FILIP1: variants seen among roughly 807,000 people sequenced by gnomAD.
FILIP1 encodes the protein filamin A interacting protein 1.
FILIP1 carries 61 observed loss-of-function variants against 102.1 expected under a neutral mutation model. The ratio of observed to expected loss-of-function variants is 0.60; its 90% CI spans 0.49 to 0.74. FILIP1 has a LOEUF of 0.74. FILIP1 is among the 30% of genes least tolerant of loss of function. FILIP1 has a pLI of 0.00. For synonymous variants in FILIP1, 491 were observed against 526.9 expected (o/e 0.93, Z 0.93); for missense variants, 1,314 against 1,441.2 (o/e 0.91, Z 1.43).
chr6:75,463,475 C>A (rs906736707), intron 1 of FILIP1, among the ~76,000 whole-genome samples: 3 of 152,070 alleles, frequency 2.0e-5, no homozygotes, highest in African/African-American at 7.2e-5. Flanking sequence ...ACATAAATAT[C>A]CAGTTTTGGA....
chr6:75,408,147 A>C (rs1349067186), intron 2 of FILIP1, among the ~76,000 whole-genome samples: 2 of 152,222 alleles, frequency 1.3e-5, no homozygotes, highest in Non-Finnish European at 2.9e-5. Context: ...AGAATGTTCC[A>C]ATTTATTAGA....
chr6:75,420,480 T>C (rs1777422045), intron 1 of FILIP1, among the ~76,000 whole-genome samples: 1 of 152,128 alleles, frequency 6.6e-6, no homozygotes, highest in African/African-American at 2.4e-5. Context: ...TCTATCATAA[T>C]GTGTCCGGTA....
intron 1 of FILIP1, among the ~76,000 whole-genome samples, chr6:75,434,675 T>G (rs1391237373): frequency 6.6e-6 from 1 of 152,224 alleles, no homozygotes; most frequent in Non-Finnish European, 1.5e-5. Context: ...TGAATACTCT[T>G]TATTTATTTC....
At chr6:75,415,322 A>G (rs940150292) in intron 1 of FILIP1, among the ~76,000 whole-genome samples, 2 of 152,064 alleles carry the variant, frequency 1.3e-5, no homozygotes, top group African/African-American at 4.8e-5. Flanking sequence ...TATAGAGGAA[A>G]CTGGGTGTAG....
chr6:75,466,514 G>T (rs181122505), intron 1 of FILIP1, among the ~76,000 whole-genome samples: 29 of 152,308 alleles, frequency 1.9e-4, no homozygotes, highest in Admixed American at 1.9e-3. Flanking sequence ...CAACGTTATT[G>T]ATCACCAATC....
chr6:75,312,572 C>G lies in FILIP1; in HGVS notation c.3260G>C (p.Ser1087Thr), dbSNP rs1191238793. 2.5e-6 allele frequency: 4 copies of G among 1,614,226 alleles called. No homozygotes were observed. In the African/African-American group the frequency reaches 4.0e-5, roughly 16 times the overall value. Residue 1087 changes from serine (S) to threonine (T), a missense_variant, in exon 5 of 6, where the codon AGT becomes ACT. Physicochemically the swap from Ser to Thr is moderately conservative, Grantham distance 58 (BLOSUM62 1). This residue lies in a region of FILIP1 where 816 missense variants were observed against 913.1 expected (regional missense o/e 0.89). Coordinates refer to ENST00000237172, the MANE Select transcript of FILIP1 (RefSeq NM_015687.5). ...RSPGTSGEGVSPVITVRPVNV... is the reference protein window; with the variant it reads ...RSPGTSGEGVTPVITVRPVNV... ...TACTGGTCGGACAGTAATAACTGGA[C>G]TGACTCCTTCACCTGAAGTCCCAGG...
intron 1 of FILIP1, among the ~76,000 whole-genome samples, chr6:75,482,070 G>A (rs1779663836): frequency 6.6e-6 from 1 of 151,774 alleles, no homozygotes; most frequent in African/African-American, 2.4e-5. Context: ...TTTCCCCCTT[G>A]TCCTCTTCTC....
chr6:75,314,862 G>C lies in FILIP1; in HGVS notation c.970C>G (p.Gln324Glu). 6.2e-7 allele frequency: 1 copy of C among 1,614,068 alleles called. No individual in the cohort carries two copies. Among genetic ancestry groups the C allele is most frequent in the African/African-American group, 1.3e-5 (1 of 75,058 alleles). Residue 324 changes from glutamine (Q) to glutamate (E), a missense_variant, in exon 5 of 6, where the codon CAA becomes GAA. Physicochemically the swap from Gln to Glu is conservative, Grantham distance 29 (BLOSUM62 2). This residue lies in a region of FILIP1 where 494 missense variants were observed against 511.2 expected (regional missense o/e 0.97). Coordinates refer to ENST00000237172, the MANE Select transcript of FILIP1 (RefSeq NM_015687.5). The stretch of plus-strand genomic sequence containing the variant: ...CTAAGTTGCCTATTGTGAGACTCTT[G>C]ATTAGCCAGTTTAGCGTTCATCTCT... ...HEEMNAKLAN[Q>E]ESHNRQLRLK...
intron 1 of FILIP1, among the ~76,000 whole-genome samples, chr6:75,490,253 TC>T (rs1779917827): frequency 6.6e-6 from 1 of 152,076 alleles, no homozygotes; most frequent in Non-Finnish European, 1.5e-5. Context: ...TTACTGAATA[TC>T]CACTTAAAAG....
intron 4 of FILIP1, among the ~76,000 whole-genome samples, chr6:75,346,117 C>T (rs1471976314): frequency 6.6e-6 from 1 of 152,144 alleles, no homozygotes; most frequent in Non-Finnish European, 1.5e-5. Context: ...TTATAAGGTA[C>T]AGAGTCATCC....
At chr6:75,382,633 T>C (rs534719520) in intron 2 of FILIP1, among the ~76,000 whole-genome samples, 5 of 152,220 alleles carry the variant, frequency 3.3e-5, no homozygotes, top group Non-Finnish European at 5.9e-5. Context: ...TGTTCAGTGA[T>C]ATCAAGTAAC....
chr6:75,415,111 A>C (rs1482636973), intron 1 of FILIP1, 133 bp from the exon 2 acceptor site: 1 of 842,794 alleles, frequency 1.2e-6, no homozygotes, highest in African/African-American at 1.7e-5. Context: ...ATGTCATTAA[A>C]ATTTTCAGGA....
chr6:75,467,845 A>C (rs1371261240), intron 1 of FILIP1, among the ~76,000 whole-genome samples: 1 of 152,204 alleles, frequency 6.6e-6, no homozygotes, highest in Non-Finnish European at 1.5e-5. Flanking sequence ...AATGGATACG[A>C]AGGACAAGAG....
intron 2 of FILIP1, among the ~76,000 whole-genome samples, chr6:75,402,044 T>C (rs1283589111): frequency 6.6e-6 from 1 of 152,228 alleles, no homozygotes; most frequent in Non-Finnish European, 1.5e-5. Context: ...TATTTTCCCA[T>C]GGCCAGATTC....
intron 2 of FILIP1, among the ~76,000 whole-genome samples, chr6:75,377,817 T>C (rs764158868): frequency 6.6e-6 from 1 of 152,208 alleles, no homozygotes; most frequent in Non-Finnish European, 1.5e-5. Flanking sequence ...CTAGAGAAAG[T>C]TTAGATTCCA....
chr6:75,373,483 T>G (rs2149630342), intron 2 of FILIP1, among the ~76,000 whole-genome samples: 1 of 152,274 alleles, frequency 6.6e-6, no homozygotes, highest in South Asian at 2.1e-4. Flanking sequence ...ATTTATTTAT[T>G]TTTTAGAGAT....
At chr6:75,470,243 C>A (rs1023659715) in intron 1 of FILIP1, among the ~76,000 whole-genome samples, 1 of 152,024 alleles carries the variant, frequency 6.6e-6, no homozygotes, top group South Asian at 2.1e-4. Context: ...AAAAAATCAA[C>A]GACTTTTCTA....
At chr6:75,410,831 T>C (rs555857001) in intron 2 of FILIP1, among the ~76,000 whole-genome samples, 71 of 152,344 alleles carry the variant, frequency 4.7e-4, no homozygotes, top group Non-Finnish European at 5.0e-4. Context: ...AAGTTTGCTA[T>C]TTTTGTTGGT....
chr6:75,414,129 T>A (rs1206366822), intron 2 of FILIP1, among the ~76,000 whole-genome samples: 1 of 150,388 alleles, frequency 6.6e-6, no homozygotes, highest in Non-Finnish European at 1.5e-5. Context: ...ATTAGGTTCT[T>A]CATAATGAAT....
Sources: gnomAD v4.1 joint callset for allele counts (sites outside exome capture counted in the v4.1 genomes callset) on GRCh38, gnomAD v4.1.1 for gene constraint, gnomAD v4.1.1 regional missense constraint, MANE v1.5 for transcripts, NCBI Gene and HGNC (gene_info 2026-07-23, HGNC 2026-07-21) for gene names.